The following JMJD1C variants were observed in gnomAD, a reference collection of about 807,000 sequenced individuals.
The protein encoded by JMJD1C is jumonji domain-containing protein 1C.
A neutral mutation model predicts 245.3 loss-of-function variants in JMJD1C; 31 were observed. The ratio of observed to expected loss-of-function variants is 0.13; its 90% CI spans 0.09 to 0.17. The LOEUF is 0.17. JMJD1C is among the 10% of genes least tolerant of loss of function. The pLI is 1.00. For synonymous variants in JMJD1C, 1,057 were observed against 1,017.4 expected (o/e 1.04, Z -0.74); for missense variants, 2,691 against 3,000.2 (o/e 0.90, Z 2.41).
At chr10:63,423,507 A>G (rs371851068) in intron 1 of JMJD1C, among the ~76,000 whole-genome samples, 19 of 152,238 alleles carry the variant, frequency 1.2e-4, no homozygotes, top group African/African-American at 4.1e-4. Context: ...GGCACCAATG[A>G]TATTCCACTG....
At chr10:63,337,626 A>AAGAAAAGAAAAAGAG (rs1942963549) in intron 2 of JMJD1C, among the ~76,000 whole-genome samples, 1 of 148,020 alleles carries the variant, frequency 6.8e-6, no homozygotes, top group Non-Finnish European at 1.5e-5. Context: ...AAGAAAAGAA[A>AAGAAAAGAAAAAGAG]AAGAAAAGAA....
At chr10:63,326,236 T>C (rs1368560294) in intron 2 of JMJD1C, among the ~76,000 whole-genome samples, 1 of 152,086 alleles carries the variant, frequency 6.6e-6, no homozygotes, top group Non-Finnish European at 1.5e-5. Context: ...GGCTCACGCC[T>C]GTAATCCCAG....
At chr10:63,311,901 GTATTAGGTTATTCTTAATT>G (rs1248869763) in intron 2 of JMJD1C, among the ~76,000 whole-genome samples, 1 of 152,082 alleles carries the variant, frequency 6.6e-6, no homozygotes, top group Non-Finnish European at 1.5e-5. Flanking sequence ...AGTTAGGAAT[GTATTAGGTTATTCTTAATT>G]TATTATATGC....
In JMJD1C at chr10:63,176,217, T is replaced by A. The variant is rs1370004019; in HGVS notation, c.7401+80A>T. ...TTATTTGCATCTTCTTCCATTTATA[T>A]CTATACTAAGAGCAATTTTTTTTTC... On this transcript the variant is annotated intron_variant, in intron 24 of 25. Coordinates refer to ENST00000399262, the MANE Select transcript of JMJD1C (RefSeq NM_032776.3). The A allele has an allele frequency of 5.2e-6, 5 of 961,596 alleles. No homozygotes were observed. In the Admixed American group the frequency reaches 8.6e-5, roughly 17 times the overall value. The allele number at this position is 961,596 out of a possible 1,614,324, so 59.6% of individuals were successfully genotyped here.
chr10:63,517,132 T>C (rs574180881), intron 1 of JMJD1C, among the ~76,000 whole-genome samples: 1 of 152,310 alleles, frequency 6.6e-6, no homozygotes, highest in South Asian at 2.1e-4. Flanking sequence ...TTAATAGAAA[T>C]GCGAAGGTGA....
At chr10:63,301,042 A>G (rs1369603328) in intron 2 of JMJD1C, among the ~76,000 whole-genome samples, 1 of 151,920 alleles carries the variant, frequency 6.6e-6, no homozygotes, top group Non-Finnish European at 1.5e-5. Context: ...TTTAAGACAG[A>G]GTCTGCTCTG....
At chr10:63,428,037 T>C (rs1457922270) in intron 1 of JMJD1C, 8 of 601,482 alleles carry the variant, frequency 1.3e-5, no homozygotes, top group Non-Finnish European at 2.4e-5. Context: ...TAAAAATCAA[T>C]TTCCAGCCCT....
At chr10:63,500,492 G>A (rs1954511386) in intron 1 of JMJD1C, among the ~76,000 whole-genome samples, 1 of 146,282 alleles carries the variant, frequency 6.8e-6, no homozygotes, top group South Asian at 2.1e-4. Flanking sequence ...CTAGCACTTT[G>A]GGAGGCCAAG....
At chr10:63,405,590 G>A (rs562920202) in intron 1 of JMJD1C, among the ~76,000 whole-genome samples, 29 of 152,146 alleles carry the variant, frequency 1.9e-4, no homozygotes, top group South Asian at 8.3e-4. Flanking sequence ...CCCAAAGTGC[G>A]GGGATTACAG....
At chr10:63,360,937 A>G (rs1183486524) in intron 2 of JMJD1C, among the ~76,000 whole-genome samples, 1 of 152,136 alleles carries the variant, frequency 6.6e-6, no homozygotes, top group Non-Finnish European at 1.5e-5. Flanking sequence ...TGCGTGAGCC[A>G]CCGAGCCCGG....
chr10:63,346,937 A>C (rs1392900722), intron 2 of JMJD1C, among the ~76,000 whole-genome samples: 1 of 152,296 alleles, frequency 6.6e-6, no homozygotes, highest in African/African-American at 2.4e-5. Flanking sequence ...CTAAAATTTC[A>C]GGACTTAGGT....
intron 1 of JMJD1C, among the ~76,000 whole-genome samples, chr10:63,508,058 GA>G (rs111659021): frequency 0.034 from 5,056 of 148,886 alleles, 277 homozygotes; most frequent in African/African-American, 0.12. Context: ...CTTTTGCAGA[GA>G]AAAAAAAAAT....
At chr10:63,275,445 C>T (rs1856689540) in intron 2 of JMJD1C, among the ~76,000 whole-genome samples, 1 of 152,098 alleles carries the variant, frequency 6.6e-6, no homozygotes, top group Non-Finnish European at 1.5e-5. Flanking sequence ...ACATACGTCA[C>T]CTTTCACAAA....
chr10:63,177,449 C>T, intron 23 of JMJD1C: 1 of 394,708 alleles, frequency 2.5e-6, no homozygotes, highest in Non-Finnish European at 4.5e-6. Flanking sequence ...TAATATCTGG[C>T]TCAAGAACAG....
chr10:63,387,628 A>ATTTTTTTTTTTT (rs1564863555), intron 1 of JMJD1C, among the ~76,000 whole-genome samples: 4 of 18,526 alleles, frequency 2.2e-4, no homozygotes, highest in Admixed American at 6.6e-4. Flanking sequence ...AGAAAAAAAA[A>ATTTTTTTTTTTT]ATTTTTTTTT....
At chr10:63,185,427 G>A (rs1460080814) in intron 20 of JMJD1C, 136 bp downstream of exon 20, 16 of 667,172 alleles carry the variant, frequency 2.4e-5, no homozygotes, top group African/African-American at 1.3e-4. Context: ...CCACTATGAC[G>A]CTCAGCCTCA....
chr10:63,233,103 G>C (rs56339891), intron 3 of JMJD1C, among the ~76,000 whole-genome samples: 3,274 of 152,112 alleles, frequency 0.022, 116 homozygotes, highest in African/African-American at 0.073. Flanking sequence ...CTGACCTGAA[G>C]GCTTTCACAA....
chr10:63,363,844 G>A (rs1423674633), intron 2 of JMJD1C, among the ~76,000 whole-genome samples: 3 of 148,406 alleles, frequency 2.0e-5, no homozygotes, highest in East Asian at 2.0e-4. Context: ...ACGCCACCAT[G>A]CCTGGCTAAT....
chr10:63,440,475 CCAGA>C (rs754647963), intron 1 of JMJD1C, among the ~76,000 whole-genome samples: 3 of 148,464 alleles, frequency 2.0e-5, no homozygotes, highest in East Asian at 2.1e-4. Context: ...CAGTAAACAT[CCAGA>C]CATTCACATC....
Sources: gnomAD v4.1 joint callset for allele counts (sites outside exome capture counted in the v4.1 genomes callset) on GRCh38, gnomAD v4.1.1 for gene constraint, MANE v1.5 for transcripts, NCBI Gene and HGNC (gene_info 2026-07-23, HGNC 2026-07-21) for gene names.